ZNF385D: variants seen among roughly 807,000 people sequenced by gnomAD.
ZNF385D encodes zinc finger protein 385D, also known as zinc finger protein 659.
In ZNF385D, 15 loss-of-function variants were observed where a neutral mutation model predicts 35.8. The observed-to-expected ratio is 0.42, with a 90% CI of 0.28 to 0.64. The LOEUF is 0.64. ZNF385D is among the 30% of genes least tolerant of loss of function. The pLI is 0.23. For synonymous variants in ZNF385D, 212 were observed against 186.8 expected (o/e 1.13, Z -1.10); for missense variants, 474 against 494.6 (o/e 0.96, Z 0.39).
At chr3:21,748,916 GTACCACACA>G (rs1273930276) in intron 1 of ZNF385D, among the ~76,000 whole-genome samples, 1 of 152,030 alleles carries the variant, frequency 6.6e-6, no homozygotes, top group Non-Finnish European at 1.5e-5. Flanking sequence ...CCTCGCTCTT[GTACCACACA>G]TTTTTTTTTT....
chr3:21,651,248 A>T (rs2065903634), intron 2 of ZNF385D, among the ~76,000 whole-genome samples: 1 of 124,980 alleles, frequency 8.0e-6, no homozygotes, highest in Non-Finnish European at 1.6e-5. Flanking sequence ...AGATCGTGCC[A>T]CCGCACTCCA....
chr3:21,647,222 C>T (rs2065777279), intron 2 of ZNF385D, among the ~76,000 whole-genome samples: 1 of 152,132 alleles, frequency 6.6e-6, no homozygotes, highest in Non-Finnish European at 1.5e-5. Context: ...AACAAAATCT[C>T]ATATGAGAGT....
intron 3 of ZNF385D, among the ~76,000 whole-genome samples, chr3:21,549,983 C>G (rs1005276725): frequency 1.3e-5 from 2 of 152,166 alleles, no homozygotes; most frequent in Non-Finnish European, 2.9e-5. Flanking sequence ...AAAATTGCAA[C>G]TGAGGCCCTC....
At chr3:21,874,746 T>C (rs529603703) in intron 3 of ZNF385D, among the ~76,000 whole-genome samples, 3 of 152,256 alleles carry the variant, frequency 2.0e-5, no homozygotes, top group South Asian at 4.1e-4. Context: ...TGAAATTTTA[T>C]AATTTTGATT....
At chr3:21,636,484 CGAA>C (rs1325867553) in intron 2 of ZNF385D, among the ~76,000 whole-genome samples, 32 of 144,928 alleles carry the variant, frequency 2.2e-4, no homozygotes, top group East Asian at 1.5e-3. Context: ...AGCTGAGAAG[CGAA>C]GAAGAAGCCA....
intron 2 of ZNF385D, among the ~76,000 whole-genome samples, chr3:22,194,793 T>C (rs536116116): frequency 6.6e-6 from 1 of 152,000 alleles, no homozygotes; most frequent in East Asian, 1.9e-4. Flanking sequence ...GGCTGATGGT[T>C]TTTAGATACT....
intron 2 of ZNF385D, among the ~76,000 whole-genome samples, chr3:22,364,507 A>G (rs1494222): frequency 0.41 from 62,848 of 151,928 alleles, 13,270 homozygotes; most frequent in South Asian, 0.59. Context: ...GAGACTCAAC[A>G]TCCCTAATCA....
chr3:21,430,586 C>T (rs574168192), intron 5 of ZNF385D, among the ~76,000 whole-genome samples: 4 of 152,198 alleles, frequency 2.6e-5, no homozygotes, highest in Admixed American at 1.3e-4. Context: ...CCTTGAAATT[C>T]CAGCCTGTGA....
rs1259992480 is a variant in ZNF385D, at chr3:21,416,913, G to C, written c.*4301C>G. The C allele has an allele frequency of 5.9e-5, 9 of 152,122 alleles. No individual in the cohort carries two copies. Among genetic ancestry groups the C allele is most frequent in the Non-Finnish European group, 1.2e-4 (8 of 68,010 alleles). 9.4% of individuals were successfully genotyped at this position (152,122 alleles called of 1,614,324 possible). A position where few individuals can be genotyped will look rare whatever the true frequency, so the allele number is the denominator to read the frequency against. ...CCCTTCCACACCCCCACTGCCAGCT[G>C]TCTATTGCCTTTTTCAGGGTTGGTT... is the stretch of plus-strand genomic sequence containing the variant. On this transcript the variant is annotated 3_prime_UTR_variant, in exon 8 of 8. Coordinates refer to ENST00000281523, the MANE Select transcript of ZNF385D (RefSeq NM_024697.3).
At position 21,424,317 on chromosome 3, in the gene ZNF385D, A is replaced by ATATT. The variant is rs1221923155; in HGVS notation, c.853-254_853-253insAATA. 6.1e-3 allele frequency among the ~76,000 whole-genome samples: 387 copies of ATATT among 63,534 alleles called. 7 individuals carry two copies. Among genetic ancestry groups the ATATT allele is most frequent in the African/African-American group, 0.01 (164 of 16,176 alleles). 41.7% of individuals were successfully genotyped at this position (63,534 alleles called of 152,430 possible). A position where few individuals can be genotyped will look rare whatever the true frequency, so the allele number is the denominator to read the frequency against. On this transcript the variant is annotated intron_variant, in intron 6 of 7. Transcript: ENST00000281523. ...TATATATATTTATATATATATATAT[A>ATATT]TTTTTTTTTTTTTTTGAGATGGAGT...
chr3:21,651,494 T>C (rs2065912484), intron 2 of ZNF385D, among the ~76,000 whole-genome samples: 1 of 152,096 alleles, frequency 6.6e-6, no homozygotes, highest in Non-Finnish European at 1.5e-5. Context: ...TTTTGGCTAG[T>C]AGGCACAGCA....
intron 3 of ZNF385D, among the ~76,000 whole-genome samples, chr3:21,805,272 T>C (rs1051872776): frequency 3.3e-5 from 5 of 152,192 alleles, no homozygotes; most frequent in African/African-American, 9.7e-5. Flanking sequence ...AGAGAATATA[T>C]ATGTGTAAAT....
intron 3 of ZNF385D, among the ~76,000 whole-genome samples, chr3:21,794,343 T>C (rs1014713127): frequency 6.6e-6 from 1 of 152,100 alleles, no homozygotes; most frequent in Non-Finnish European, 1.5e-5. Flanking sequence ...TGAGGACTTC[T>C]GGCCTCTGAG....
chr3:21,913,814 C>A (rs1700073937), intron 3 of ZNF385D, among the ~76,000 whole-genome samples: 1 of 152,050 alleles, frequency 6.6e-6, no homozygotes, highest in South Asian at 2.1e-4. Flanking sequence ...AATACTAATT[C>A]ATCATAGATC....
chr3:21,825,161 C>T (rs769854834), intron 3 of ZNF385D, among the ~76,000 whole-genome samples: 8 of 152,112 alleles, frequency 5.3e-5, no homozygotes, highest in Non-Finnish European at 8.8e-5. Context: ...AATGCACATA[C>T]AAACGCAAAC....
chr3:22,060,276 C>A lies in ZNF385D; in HGVS notation c.325+108541G>T, dbSNP rs561509442. 3.9e-5 allele frequency among the ~76,000 whole-genome samples: 6 copies of A among 152,274 alleles called. No individual in the cohort carries two copies. The East Asian group carries it at 1.2e-3, about 29-fold the overall frequency. On this transcript the variant is annotated intron_variant, in intron 3 of 5. Coordinates refer to the ZNF385D transcript ENST00000494108. ...TCCCATAATAAATCCTCCTCTTATA[C>A]TGTGTATCTCTGTATACCCTATTGG...
chr3:21,476,397 A>T (rs977792383), intron 4 of ZNF385D, among the ~76,000 whole-genome samples: 5 of 152,000 alleles, frequency 3.3e-5, no homozygotes, highest in African/African-American at 7.2e-5. Context: ...CAACTCTATT[A>T]TTTACCTAAT....
At chr3:21,548,875 C>T (rs558811032) in intron 3 of ZNF385D, among the ~76,000 whole-genome samples, 1 of 152,250 alleles carries the variant, frequency 6.6e-6, no homozygotes, top group African/African-American at 2.4e-5. Flanking sequence ...TAGCCTATTG[C>T]CCTTGAAAAA....
intron 1 of ZNF385D, among the ~76,000 whole-genome samples, chr3:21,738,584 C>T (rs2069359234): frequency 6.6e-6 from 1 of 152,152 alleles, no homozygotes. Flanking sequence ...GGACAATTCA[C>T]CCAAATTCAC....
Sources: gnomAD v4.1 joint callset for allele counts (sites outside exome capture counted in the v4.1 genomes callset) on GRCh38, gnomAD v4.1.1 for gene constraint, MANE v1.5 for transcripts, NCBI Gene and HGNC (gene_info 2026-07-23, HGNC 2026-07-21) for gene names.